The following FLT3 variants were observed in gnomAD, a reference collection of about 807,000 sequenced individuals.
The protein encoded by FLT3 is fms related receptor tyrosine kinase 3, also known as receptor-type tyrosine-protein kinase FLT3.
A neutral mutation model predicts 126.6 loss-of-function variants in FLT3; 46 were observed. The observed-to-expected ratio is 0.36, with a 90% CI of 0.29 to 0.46. The LOEUF is 0.46. FLT3 is among the 20% of genes least tolerant of loss of function. FLT3 has a pLI of 1.00. For synonymous variants in FLT3, 404 were observed against 434.4 expected (o/e 0.93, Z 0.87); for missense variants, 1,069 against 1,190.3 (o/e 0.90, Z 1.50).
intron 9 of FLT3, among the ~76,000 whole-genome samples, chr13:28,039,119 A>T (rs1874107259): frequency 6.6e-6 from 1 of 152,230 alleles, no homozygotes; most frequent in African/African-American, 2.4e-5. Flanking sequence ...TGAAGGCGCC[A>T]GACGGGAAGT....
chr13:28,003,473 A>G lies in FLT3; in HGVS notation c.*579T>C, dbSNP rs1427719947. 2 of 235,180 alleles carry G rather than the reference A, an allele frequency of 8.5e-6. No homozygotes were observed. Among genetic ancestry groups the G allele is most frequent in the African/African-American group, 4.4e-5 (2 of 45,342 alleles). 14.6% of individuals were successfully genotyped at this position (235,180 alleles called of 1,614,324 possible). On this transcript the variant is annotated 3_prime_UTR_variant, in exon 24 of 24. Transcript: ENST00000241453. The stretch of plus-strand genomic sequence containing the variant: ...CTGTGACAACCATAGCTGCCTACAC[A>G]TTCCTTGTATCTTGGGGTAAAAGCA...
intron 9 of FLT3, among the ~76,000 whole-genome samples, chr13:28,039,045 G>C (rs144331914): frequency 6.6e-6 from 1 of 152,028 alleles, no homozygotes; most frequent in Non-Finnish European, 1.5e-5. Flanking sequence ...GGAGCCTCAC[G>C]GATGAGTTGG....
intron 9 of FLT3, among the ~76,000 whole-genome samples, chr13:28,047,098 A>T (rs575621628): frequency 6.6e-6 from 1 of 152,244 alleles, no homozygotes; most frequent in South Asian, 2.1e-4. Flanking sequence ...GGTTCTCATT[A>T]AAAAAGCAGA....
chr13:28,097,638 C>A (rs775688096), intron 1 of FLT3, among the ~76,000 whole-genome samples: 3 of 152,162 alleles, frequency 2.0e-5, no homozygotes, highest in African/African-American at 7.2e-5. Flanking sequence ...AAAATTAGAA[C>A]TAGAGTTTCA....
chr13:28,095,902 G>A (rs9554252), intron 1 of FLT3, among the ~76,000 whole-genome samples: 52,163 of 151,900 alleles, frequency 0.34, 10,606 homozygotes, highest in African/African-American at 0.57. Context: ...AGTAAAATGT[G>A]GTCAATACCT....
chr13:28,050,365 T>C, intron 5 of FLT3, 143 bp from the exon 6 acceptor site: 1 of 726,422 alleles, frequency 1.4e-6, no homozygotes, highest in Non-Finnish European at 2.2e-6. Flanking sequence ...CCCATATCTA[T>C]GGTTTCAGCT....
chr13:28,015,192 A>T lies in FLT3; in HGVS notation c.2718T>A (p.Phe906Leu), dbSNP rs1871731643. 3 of 1,611,604 alleles carry T rather than the reference A, an allele frequency of 1.9e-6. No individual in the cohort carries two copies. Among genetic ancestry groups the T allele is most frequent in the Non-Finnish European group, 2.5e-6 (3 of 1,177,814 alleles). Residue 906 changes from phenylalanine (F) to leucine (L), a missense_variant, in exon 22 of 24, where the codon TTT becomes TTA. Coordinates refer to ENST00000241453, the MANE Select transcript of FLT3 (RefSeq NM_004119.3). ...ANFYKLIQNG[F>L]KMDQPFYATE... ...TAGCATAAAATGGCTGATCCATTTT[A>T]AATCCATTTTGAATCAGTTTGTAGA... is the stretch of plus-strand genomic sequence containing the variant.
Position 28,023,473 on chromosome 13 carries a change from T to G in FLT3, c.2295A>C (p.Glu765Asp). 6.2e-7 allele frequency: 1 copy of G among 1,613,782 alleles called. No individual in the cohort carries two copies. Among genetic ancestry groups the G allele is most frequent in the Non-Finnish European group, 8.5e-7 (1 of 1,179,940 alleles). The change falls in exon 19 of 24, where the codon GAA (glutamate) becomes GAC (aspartate). Residue 765 changes from glutamate (E) to aspartate (D), a missense_variant. Glu to Asp is a conservative substitution (Grantham distance 45, BLOSUM62 2). Transcript: ENST00000241453. ...LHGNSFHSED[E>D]IEYENQKRLE... Reference sequence around the variant, plus strand: ...GCCTTTTTTGGTTTTCATATTCAATTTCATCTGTAAAATAGAGCCAGTCTT... The same window carrying G: ...GCCTTTTTTGGTTTTCATATTCAATGTCATCTGTAAAATAGAGCCAGTCTT...
chr13:28,015,729 G>A (rs757519348), intron 20 of FLT3, 28 bp from the exon 21 acceptor site: 1 of 1,403,334 alleles, frequency 7.1e-7, no homozygotes, highest in South Asian at 1.2e-5. Context: ...GAGATAAGAT[G>A]GTGAATTTTC....
chr13:28,048,324 A>G lies in FLT3; in HGVS notation c.1156T>C (p.Ser386Pro), dbSNP rs761621550. The G allele has an allele frequency of 6.2e-7, 1 of 1,614,046 alleles. No homozygotes were observed. Among genetic ancestry groups the G allele is most frequent in the South Asian group, 1.1e-5 (1 of 91,066 alleles). Residue 386 changes from serine to proline, a missense_variant, in exon 9 of 24, where the codon TCT becomes CCT. Ser to Pro is a moderately conservative substitution (Grantham distance 74). Transcript: ENST00000241453. ...YPQIRCTWTF[S>P]RKSFPCEQKG... ...TGCTCACAAGGAAATGATTTTCGAG[A>G]GAAGGTCCACGTACATCTGATTTGT...
rs1872546215 is a variant in FLT3 at position 28,023,231 on chromosome 13, T to G, written c.2418+119A>C. ...GTAACACGCTAGGTGACTCCAACAG[T>G]GAACAGGGGAGAAAAGGCAGACTTT... On this transcript the variant is annotated intron_variant, in intron 19 of 23. Coordinates refer to ENST00000241453, the MANE Select transcript of FLT3 (RefSeq NM_004119.3). 3 of 1,037,866 alleles carry G rather than the reference T, an allele frequency of 2.9e-6. No individual in the cohort carries two copies. The East Asian group carries it at 7.6e-5, about 26-fold the overall frequency. The allele number at this position is 1,037,866 out of a possible 1,614,324, so 64.3% of individuals were successfully genotyped here. A position where few individuals can be genotyped will look rare whatever the true frequency, so the allele number is the denominator to read the frequency against.
intron 15 of FLT3, among the ~76,000 whole-genome samples, chr13:28,030,636 C>T (rs1043383602): frequency 5.3e-5 from 8 of 151,982 alleles, no homozygotes; most frequent in Non-Finnish European, 8.8e-5. Context: ...CTGAGACAAG[C>T]GGGAGAATTG....
intron 2 of FLT3, among the ~76,000 whole-genome samples, chr13:28,066,980 C>T (rs573957540): frequency 6.6e-6 from 1 of 152,306 alleles, no homozygotes; most frequent in Admixed American, 6.5e-5. Flanking sequence ...CACCAAATGA[C>T]TTCCTGTCAC....
At chr13:28,016,300 C>T (rs4074542) in intron 20 of FLT3, among the ~76,000 whole-genome samples, 62,436 of 151,244 alleles carry the variant, frequency 0.41, 12,922 homozygotes, top group East Asian at 0.54. Context: ...GACGGAGTTT[C>T]GCTCTTGTTG....
chr13:28,033,264 C>T (rs910916855), intron 15 of FLT3, among the ~76,000 whole-genome samples: 1 of 150,834 alleles, frequency 6.6e-6, no homozygotes, highest in Non-Finnish European at 1.5e-5. Context: ...TCACAGCACT[C>T]TAGCCTGGGT....
intron 19 of FLT3, among the ~76,000 whole-genome samples, chr13:28,022,543 A>G (rs1232248314): frequency 6.6e-6 from 1 of 152,122 alleles, no homozygotes; most frequent in Non-Finnish European, 1.5e-5. Flanking sequence ...AAAAAATACA[A>G]TTGAAAGTAG....
At chr13:28,078,859 G>A (rs1878134780) in intron 1 of FLT3, among the ~76,000 whole-genome samples, 1 of 151,930 alleles carries the variant, frequency 6.6e-6, no homozygotes, top group South Asian at 2.1e-4. Context: ...GACTAAAGGT[G>A]CACGCCATCA....
chr13:28,051,579 C>T (rs1875472991), intron 5 of FLT3, among the ~76,000 whole-genome samples: 1 of 135,704 alleles, frequency 7.4e-6, no homozygotes, highest in African/African-American at 2.8e-5. Context: ...GAGTCTCGCT[C>T]TGTCACCCAG....
intron 5 of FLT3, 128 bp from the exon 6 acceptor site, chr13:28,050,350 A>G: frequency 1.2e-6 from 1 of 813,016 alleles, no homozygotes; most frequent in Non-Finnish European, 1.9e-6. Flanking sequence ...CAAAAGGTAA[A>G]CAAGCCCATA....
Sources: allele counts gnomAD v4.1 joint callset (sites outside exome capture counted in the v4.1 genomes callset), GRCh38; gene constraint gnomAD v4.1.1; transcripts MANE v1.5; gene names NCBI Gene and HGNC (gene_info 2026-07-23, HGNC 2026-07-21).